Variants in SLC35F3 observed in about 807,000 individuals in gnomAD.
SLC35F3 encodes solute carrier family 35 member F3.
Under a neutral mutation model 49.9 loss-of-function variants are expected in SLC35F3, and 25 were observed. The observed-to-expected ratio is 0.50, with a 90% CI of 0.37 to 0.70. The LOEUF (loss-of-function observed/expected upper bound fraction) is 0.70. SLC35F3 is among the 30% of genes least tolerant of loss of function. The probability of loss-of-function intolerance (pLI) is 0.00; values close to 1 mark genes in which losing one functional copy is unlikely to be tolerated. For missense variants in SLC35F3, 525 were observed against 639.8 expected (o/e 0.82, Z 1.94); for synonymous variants, 275 against 265.4 (o/e 1.04, Z -0.35).
chr1:233,995,811 C>G (rs1663449944), intron 2 of SLC35F3, among the ~76,000 whole-genome samples: 1 of 152,122 alleles, frequency 6.6e-6, no homozygotes, highest in African/African-American at 2.4e-5. Context: ...AGCAAGGAGG[C>G]AGGACTGTAA....
chr1:233,939,965 A>G (rs1043056040), intron 2 of SLC35F3, among the ~76,000 whole-genome samples: 56 of 152,236 alleles, frequency 3.7e-4, no homozygotes, highest in Non-Finnish European at 4.1e-4. Flanking sequence ...ACTTAATAAT[A>G]CACACAATAA....
intron 2 of SLC35F3, among the ~76,000 whole-genome samples, chr1:234,093,913 C>T (rs1175640071): frequency 6.6e-6 from 1 of 152,238 alleles, no homozygotes; most frequent in Non-Finnish European, 1.5e-5. Flanking sequence ...AGGGAGTCTG[C>T]AGCTGCAGGA....
At chr1:234,087,795 G>C (rs1421144704) in intron 2 of SLC35F3, among the ~76,000 whole-genome samples, 1 of 152,120 alleles carries the variant, frequency 6.6e-6, no homozygotes, top group Admixed American at 6.5e-5. Flanking sequence ...TGCCCTCTCT[G>C]TTACAGCCAT....
chr1:233,954,619 G>T (rs1662664399), intron 2 of SLC35F3, among the ~76,000 whole-genome samples: 1 of 152,324 alleles, frequency 6.6e-6, no homozygotes, highest in African/African-American at 2.4e-5. Flanking sequence ...CCTGGCATAG[G>T]AGTCGCTTTC....
chr1:234,033,871 G>C (rs1664102757), intron 2 of SLC35F3, among the ~76,000 whole-genome samples: 1 of 152,150 alleles, frequency 6.6e-6, no homozygotes, highest in Non-Finnish European at 1.5e-5. Flanking sequence ...ACTTTAGGAT[G>C]CTTTTTCTAG....
chr1:234,016,030 A>G (rs566292934), intron 2 of SLC35F3, among the ~76,000 whole-genome samples: 1 of 152,366 alleles, frequency 6.6e-6, no homozygotes, highest in African/African-American at 2.4e-5. Context: ...CAAATGCCCA[A>G]GAGATATGTT....
intron 2 of SLC35F3, among the ~76,000 whole-genome samples, chr1:234,207,148 A>G (rs918130433): frequency 9.9e-5 from 15 of 151,954 alleles, no homozygotes; most frequent in Admixed American, 3.9e-4. Context: ...ACTAAATGGC[A>G]TCTGATCTCC....
At chr1:234,092,561 G>A (rs1447384813) in intron 2 of SLC35F3, among the ~76,000 whole-genome samples, 2 of 152,202 alleles carry the variant, frequency 1.3e-5, no homozygotes, top group Non-Finnish European at 2.9e-5. Flanking sequence ...GCAAAGTGCT[G>A]CGAATAAAAA....
chr1:233,987,061 C>T (rs1283666614), intron 2 of SLC35F3, among the ~76,000 whole-genome samples: 1 of 152,034 alleles, frequency 6.6e-6, no homozygotes, highest in African/African-American at 2.4e-5. Context: ...CTGAGGCAGG[C>T]GGATCACCTG....
chr1:234,317,364 GC>G (rs1483354384), intron 5 of SLC35F3, among the ~76,000 whole-genome samples: 1 of 150,678 alleles, frequency 6.6e-6, no homozygotes, highest in African/African-American at 2.4e-5. Context: ...ACTTTATCAA[GC>G]CCCCTGGCTG....
At chr1:234,321,140 G>A (rs1657611489) in intron 7 of SLC35F3, among the ~76,000 whole-genome samples, 1 of 150,886 alleles carries the variant, frequency 6.6e-6, no homozygotes, top group Non-Finnish European at 1.5e-5. Context: ...CTCATGACTT[G>A]GTTTCCCACC....
chr1:233,924,693 C>T (rs1457634098), intron 2 of SLC35F3, among the ~76,000 whole-genome samples: 1 of 152,130 alleles, frequency 6.6e-6, no homozygotes, highest in African/African-American at 2.4e-5. Flanking sequence ...TGTGTTTGCT[C>T]TTGCTTCTCT....
intron 2 of SLC35F3, among the ~76,000 whole-genome samples, chr1:234,045,910 C>T (rs907590528): frequency 6.6e-6 from 1 of 151,902 alleles, no homozygotes; most frequent in Admixed American, 6.6e-5. Flanking sequence ...AACTGGAGTA[C>T]CATTTAGCAA....
chr1:234,285,060 C>CA (rs1382793703), intron 3 of SLC35F3: 1 of 213,614 alleles, frequency 4.7e-6, no homozygotes, highest in Non-Finnish European at 9.3e-6. Flanking sequence ...TATAGGGCCA[C>CA]AGGGGAACCC....
chr1:234,226,503 C>T (rs2102947940), intron 2 of SLC35F3, among the ~76,000 whole-genome samples: 1 of 150,080 alleles, frequency 6.7e-6, no homozygotes, highest in Non-Finnish European at 1.5e-5. Context: ...GAATGAATGA[C>T]TTTCCATTCT....
chr1:234,141,172 G>A (rs1450556155), intron 2 of SLC35F3, among the ~76,000 whole-genome samples: 1 of 152,064 alleles, frequency 6.6e-6, no homozygotes, highest in Non-Finnish European at 1.5e-5. Context: ...TTTTTATTGG[G>A]TAATATATTA....
chr1:233,993,380 A>G (rs1208568396), intron 2 of SLC35F3, among the ~76,000 whole-genome samples: 3 of 152,202 alleles, frequency 2.0e-5, no homozygotes, highest in Non-Finnish European at 4.4e-5. Context: ...GAATGGGAAG[A>G]TCTAACTTCC....
intron 2 of SLC35F3, among the ~76,000 whole-genome samples, chr1:234,082,308 G>A (rs1045213712): frequency 6.6e-6 from 1 of 152,036 alleles, no homozygotes; most frequent in Admixed American, 6.5e-5. Flanking sequence ...TAAATAAGAG[G>A]AATCTCTGTA....
chr1:234,190,194 A>C (rs1666710375), intron 2 of SLC35F3, among the ~76,000 whole-genome samples: 1 of 152,240 alleles, frequency 6.6e-6, no homozygotes, highest in African/African-American at 2.4e-5. Flanking sequence ...AAATAGCATG[A>C]TGAATTGAAT....
Sources: allele counts gnomAD v4.1 joint callset (sites outside exome capture counted in the v4.1 genomes callset), GRCh38; gene constraint gnomAD v4.1.1; transcripts MANE v1.5; gene names NCBI Gene and HGNC (gene_info 2026-07-23, HGNC 2026-07-21).